The following L3MBTL1 variants were observed in gnomAD, a reference collection of about 807,000 sequenced individuals.
L3MBTL1 encodes lethal(3)malignant brain tumor-like protein 1.
In L3MBTL1, 75 loss-of-function variants were observed where a neutral mutation model predicts 105.3. The ratio of observed to expected loss-of-function variants is 0.71; its 90% CI spans 0.59 to 0.86. L3MBTL1 has a LOEUF of 0.86. Ranked by LOEUF, L3MBTL1 falls within the 40% of genes least tolerant of loss-of-function variation. The pLI is 0.00. For missense variants in L3MBTL1, 1,069 were observed against 1,126.4 expected (o/e 0.95, Z 0.73); for synonymous variants, 452 against 436.2 (o/e 1.04, Z -0.45).
intron 1 of L3MBTL1, among the ~76,000 whole-genome samples, chr20:43,510,001 T>C (rs1387434634): frequency 1.3e-5 from 2 of 152,112 alleles, no homozygotes; most frequent in Admixed American, 6.6e-5. Flanking sequence ...GTAGCTGGGA[T>C]AACAGGCGTG....
intron 7 of L3MBTL1, 145 bp from the exon 8 acceptor site, chr20:43,528,512 T>C: frequency 1.5e-6 from 1 of 645,308 alleles, no homozygotes; most frequent in Non-Finnish European, 2.8e-6. Flanking sequence ...TCTGGCACCA[T>C]CATGGTGGGT....
At position 43,516,933 on chromosome 20, in the gene L3MBTL1, C is replaced by T. The variant is rs1049268248; in HGVS notation, c.862+756C>T. 2.0e-4 allele frequency among the ~76,000 whole-genome samples: 30 copies of T among 151,940 alleles called. 1 individual carries two copies. The highest frequency in any genetic ancestry group is 7.3e-4 in the African/African-American group (30 of 41,346). Reference sequence around the variant, plus strand: ...TCAACCTCCTGAGTAGCTGGGACCACAGGTGCATGCCACCATGCATGGCTA... The same window carrying T: ...TCAACCTCCTGAGTAGCTGGGACCATAGGTGCATGCCACCATGCATGGCTA... On this transcript the variant is annotated intron_variant, in intron 7 of 21. Transcript: ENST00000418998.
chr20:43,530,271 C>G lies in L3MBTL1; in HGVS notation c.1057-13C>G. On this transcript the variant is annotated splice_polypyrimidine_tract_variant and intron_variant, in intron 9 of 21. Coordinates refer to ENST00000418998, the MANE Select transcript of L3MBTL1 (RefSeq NM_001377303.1). ...CCTGACATTGGAGTTCCTGATTCCC[C>G]TCATGGGGCCAGGTATGTGGCTATC... The G allele has an allele frequency of 6.2e-7, 1 of 1,613,486 alleles. No individual in the cohort carries two copies. The highest frequency in any genetic ancestry group is 8.5e-7 in the Non-Finnish European group (1 of 1,179,742).
intron 7 of L3MBTL1, among the ~76,000 whole-genome samples, chr20:43,519,258 AC>A (rs1230706856): frequency 5.4e-5 from 8 of 149,462 alleles, no homozygotes; most frequent in Non-Finnish European, 1.0e-4. Flanking sequence ...AATCGCTTGA[AC>A]CCAGGAGGCA....
In L3MBTL1 at chr20:43,530,864, A is replaced by G. The variant is rs1286221953; in HGVS notation, c.1259A>G (p.Lys420Arg). ...LRSTRAQAAP[K>R]HLFVSQSHSP... ...AGCACAAGAGCTCAGGCTGCCCCCA[A>G]GCACCTGTTTGTGAGCCAGAGCCAC... is the stretch of plus-strand genomic sequence containing the variant. The change falls in exon 11 of 22, where the codon AAG (lysine) becomes AGG (arginine). Residue 420 changes from lysine to arginine, a missense_variant. Coordinates refer to ENST00000418998, the MANE Select transcript of L3MBTL1 (RefSeq NM_001377303.1). The G allele has an allele frequency of 3.1e-6, 5 of 1,613,914 alleles. No individual in the cohort carries two copies. The highest frequency in any genetic ancestry group is 4.2e-6 in the Non-Finnish European group (5 of 1,179,960).
chr20:43,516,064 G>A (rs763202159), intron 6 of L3MBTL1, 29 bp from the exon 7 acceptor site: 4 of 1,561,352 alleles, frequency 2.6e-6, no homozygotes, highest in Non-Finnish European at 3.5e-6. Context: ...ATGAGGAGAA[G>A]AAGCTGGGAT....
At chr20:43,528,566 G>T (rs1294032208) in intron 7 of L3MBTL1, 91 bp from the exon 8 acceptor site, 5 of 890,454 alleles carry the variant, frequency 5.6e-6, no homozygotes, top group Non-Finnish European at 9.3e-6. Flanking sequence ...ATTTGTTTTG[G>T]GGGTGAAGGT....
rs779368257 is a variant in L3MBTL1 at position 43,535,950 on chromosome 20, C to G, written c.1925+14C>G. 1.2e-6 allele frequency: 2 copies of G among 1,606,488 alleles called. No homozygotes were observed. Among genetic ancestry groups the G allele is most frequent in the African/African-American group, 1.3e-5 (1 of 74,714 alleles). ...CTTTCACCACCGGTGAGTGAAGGTTCCTGGTGAGAGACCCTCAGCGTTGTT... is the reference window on the plus strand; with the variant it reads ...CTTTCACCACCGGTGAGTGAAGGTTGCTGGTGAGAGACCCTCAGCGTTGTT... On this transcript the variant is annotated intron_variant, in intron 17 of 21. Coordinates refer to ENST00000418998, the MANE Select transcript of L3MBTL1 (RefSeq NM_001377303.1).
intron 7 of L3MBTL1, among the ~76,000 whole-genome samples, chr20:43,517,402 A>T (rs971835625): frequency 1.3e-5 from 2 of 151,502 alleles, no homozygotes; most frequent in African/African-American, 4.9e-5. Context: ...CCTTTTTTTT[A>T]ATTTTAATTT....
intron 1 of L3MBTL1, among the ~76,000 whole-genome samples, chr20:43,508,192 CTCT>C (rs1568915204): frequency 6.7e-6 from 1 of 148,398 alleles, no homozygotes; most frequent in African/African-American, 2.5e-5. Context: ...TTGTTTCTCT[CTCT>C]TTTTTTTTTT....
intron 10 of L3MBTL1, 80 bp downstream of exon 10, chr20:43,530,499 C>T (rs919037591): frequency 4.0e-5 from 59 of 1,491,200 alleles, no homozygotes; most frequent in Non-Finnish European, 4.8e-5. Flanking sequence ...CCCCGGCTTC[C>T]AGCTCTTTTG....
At chr20:43,529,473 C>T in intron 9 of L3MBTL1, 105 bp downstream of exon 9, 1 of 792,898 alleles carries the variant, frequency 1.3e-6, no homozygotes, top group Non-Finnish European at 2.2e-6. Flanking sequence ...TCAGAGCACA[C>T]ACAATCTAGT....
exon 19 of L3MBTL1, chr20:43,550,803 CTT>C (rs1978924037): frequency 6.6e-6 from 1 of 152,142 alleles, no homozygotes; most frequent in African/African-American, 2.4e-5. Flanking sequence ...GTACTTGCCT[CTT>C]GTGTGTGCAC....
At chr20:43,518,033 A>G (rs756504395) in intron 7 of L3MBTL1, among the ~76,000 whole-genome samples, 2 of 152,344 alleles carry the variant, frequency 1.3e-5, no homozygotes, top group Middle Eastern at 6.8e-3. Context: ...TCTTACTTAG[A>G]TAAATAGATT....
chr20:43,514,093 T>C, intron 3 of L3MBTL1, 32 bp downstream of exon 3: 2 of 1,507,688 alleles, frequency 1.3e-6, no homozygotes, highest in Non-Finnish European at 8.9e-7. Context: ...CTAAGCCTCG[T>C]AAACCGCAGC....
intron 15 of L3MBTL1, chr20:43,534,600 C>T (rs1007176621): frequency 4.9e-6 from 3 of 610,604 alleles, no homozygotes; most frequent in Middle Eastern, 3.6e-4. Flanking sequence ...TAAAATGGGC[C>T]TAATAATCCT....
Position 43,541,145 on chromosome 20 carries a change from C to T in L3MBTL1, c.*17C>T. On this transcript the variant is annotated 3_prime_UTR_variant, in exon 22 of 22. Transcript: ENST00000418998. ...CAATATTAAAGTGTACTTTTTTCCCCTTTAATCCAATATAGTTGATAATTA... is the reference window on the plus strand; with the variant it reads ...CAATATTAAAGTGTACTTTTTTCCCTTTTAATCCAATATAGTTGATAATTA... 6.2e-7 allele frequency: 1 copy of T among 1,607,730 alleles called. No individual in the cohort carries two copies. Among genetic ancestry groups the T allele is most frequent in the Non-Finnish European group, 8.5e-7 (1 of 1,175,106 alleles).
exon 19 of L3MBTL1, chr20:43,550,423 T>C (rs1201826743): frequency 6.6e-6 from 1 of 152,230 alleles, no homozygotes; most frequent in Admixed American, 6.5e-5. Flanking sequence ...GCCTCAGCAC[T>C]TTCTGCATTA....
intron 19 of L3MBTL1, among the ~76,000 whole-genome samples, chr20:43,537,801 A>G (rs1024316754): frequency 1.3e-5 from 2 of 152,292 alleles, no homozygotes; most frequent in African/African-American, 4.8e-5. Flanking sequence ...AGCTGTCCCA[A>G]TTCTTCAAGA....
Sources: allele counts gnomAD v4.1 joint callset (sites outside exome capture counted in the v4.1 genomes callset), GRCh38; gene constraint gnomAD v4.1.1; transcripts MANE v1.5; gene names NCBI Gene and HGNC (gene_info 2026-07-23, HGNC 2026-07-21).